Variants in ANKRD55 observed in about 807,000 individuals in gnomAD.
ANKRD55 encodes the protein ankyrin repeat domain 55, also known as ankyrin repeat domain-containing protein 55.
In ANKRD55, 41 loss-of-function variants were observed where a neutral mutation model predicts 60.6. That is an observed-to-expected ratio of 0.68 (90% CI 0.53 to 0.88). The LOEUF (loss-of-function observed/expected upper bound fraction) is 0.88, where lower values mean the gene tolerates loss of function less well. Ranked by LOEUF, ANKRD55 falls within the 40% of genes least tolerant of loss-of-function variation. ANKRD55 has a pLI of 0.00. For missense variants in ANKRD55, 732 were observed against 767.6 expected (o/e 0.95, Z 0.55); for synonymous variants, 264 against 290.3 (o/e 0.91, Z 0.92).
intron 2 of ANKRD55, among the ~76,000 whole-genome samples, chr5:56,229,282 G>A (rs968560271): frequency 2.0e-5 from 3 of 152,152 alleles, no homozygotes; most frequent in Non-Finnish European, 4.4e-5. Context: ...CTTCCTGCGT[G>A]TGTGGGCTTT....
intron 7 of ANKRD55, among the ~76,000 whole-genome samples, chr5:56,141,135 T>G (rs1757752777): frequency 6.7e-6 from 1 of 148,698 alleles, no homozygotes; most frequent in South Asian, 2.2e-4. Flanking sequence ...ACACAGTTTT[T>G]TTTTTTTTTT....
Position 56,141,134 on chromosome 5 carries a change from T to TG in ANKRD55, c.612+2666_612+2667insC, listed in dbSNP as rs1214259960. Among the ~76,000 whole-genome samples, 3 of 145,254 alleles carry TG rather than the reference T, an allele frequency of 2.1e-5. No individual in the cohort carries two copies. In the South Asian group the frequency reaches 6.6e-4, roughly 32 times the overall value. On this transcript the variant is annotated intron_variant, in intron 7 of 11. Transcript: ENST00000341048. ...GTGTACATGCATGCACACACAGTTT[T>TG]TTTTTTTTTTTTTTTTATATAGAGA...
chr5:56,193,120 C>A, intron 2 of ANKRD55: 3 of 681,696 alleles, frequency 4.4e-6, no homozygotes, highest in African/African-American at 1.8e-5. Flanking sequence ...CTAAAGAACA[C>A]ATTTATTTTA....
intron 2 of ANKRD55, chr5:56,193,085 A>C: frequency 1.4e-6 from 1 of 740,400 alleles, no homozygotes; most frequent in Non-Finnish European, 2.2e-6. Context: ...AGATAATTTG[A>C]GATGGCTTCT....
intron 2 of ANKRD55, among the ~76,000 whole-genome samples, chr5:56,231,994 T>G (rs2111905568): frequency 6.6e-6 from 1 of 152,286 alleles, no homozygotes; most frequent in Non-Finnish European, 1.5e-5. Flanking sequence ...CTTAGGATCT[T>G]GAAGAATATT....
intron 2 of ANKRD55, among the ~76,000 whole-genome samples, chr5:56,216,575 A>G (rs1759817258): frequency 6.6e-6 from 1 of 152,240 alleles, no homozygotes. Flanking sequence ...GAAGGAAATT[A>G]AAAGTGCTAC....
In ANKRD55 at chr5:56,123,120, G is replaced by A. The variant is rs144675813; in HGVS notation, c.797+3802C>T. On this transcript the variant is annotated intron_variant, in intron 8 of 11. Coordinates refer to ENST00000341048, the MANE Select transcript of ANKRD55 (RefSeq NM_024669.3). ...ACTATCCCTCTGGTAAGTCACTCGG[G>A]AAATGGGCAGTCCTGGGGCAGGAAA... 9.2e-5 allele frequency among the ~76,000 whole-genome samples: 14 copies of A among 152,118 alleles called. 1 individual carries two copies. The highest frequency in any genetic ancestry group is 3.4e-4 in the African/African-American group (14 of 41,420).
At chr5:56,116,441 G>A (rs1315254059) in intron 9 of ANKRD55, among the ~76,000 whole-genome samples, 174 bp downstream of exon 9, 1 of 152,072 alleles carries the variant, frequency 6.6e-6, no homozygotes, top group Non-Finnish European at 1.5e-5. Context: ...GTTAGATAAT[G>A]GCAAACGTTA....
chr5:56,170,428 G>A (rs1483306108), intron 5 of ANKRD55, among the ~76,000 whole-genome samples: 1 of 152,056 alleles, frequency 6.6e-6, no homozygotes, highest in Non-Finnish European at 1.5e-5. Flanking sequence ...ACTGATTAAT[G>A]GAATGAATGA....
intron 2 of ANKRD55, among the ~76,000 whole-genome samples, chr5:56,189,407 A>G (rs931297910): frequency 6.6e-6 from 1 of 152,020 alleles, no homozygotes; most frequent in African/African-American, 2.4e-5. Flanking sequence ...GTCCATTCAC[A>G]CTGTTGTGTA....
chr5:56,121,374 C>CTTTT (rs35793814), intron 8 of ANKRD55, among the ~76,000 whole-genome samples: 2 of 130,672 alleles, frequency 1.5e-5, no homozygotes, highest in African/African-American at 2.9e-5. Flanking sequence ...TGTTCCACCA[C>CTTTT]TTTTTTTTTT....
chr5:56,200,444 G>A (rs72749958), intron 2 of ANKRD55, among the ~76,000 whole-genome samples: 25,520 of 151,944 alleles, frequency 0.17, 4,070 homozygotes, highest in African/African-American at 0.42. Context: ...CTGATTTCTG[G>A]ATGTATCATA....
chr5:56,192,325 G>A (rs941791605), intron 2 of ANKRD55, among the ~76,000 whole-genome samples: 1 of 152,262 alleles, frequency 6.6e-6, no homozygotes, highest in African/African-American at 2.4e-5. Flanking sequence ...GAAATAGGAA[G>A]AAAGAAGCAT....
In ANKRD55 at chr5:56,124,647, A is replaced by AT. The variant is rs1380720351; in HGVS notation, c.797+2274_797+2275insA. ...CTCAGCCTCCGGAGTAGCTAGGATT[A>AT]CAGGCGTGCGCCACCACGCCCGGCT... On this transcript the variant is annotated intron_variant, in intron 8 of 11. Coordinates refer to ENST00000341048, the MANE Select transcript of ANKRD55 (RefSeq NM_024669.3). Among the ~76,000 whole-genome samples the AT allele has an allele frequency of 1.3e-5, 2 of 152,156 alleles. 1 individual carries two copies. Among genetic ancestry groups the AT allele is most frequent in the African/African-American group, 4.8e-5 (2 of 41,398 alleles).
chr5:56,140,054 T>G (rs1176953108), intron 7 of ANKRD55, among the ~76,000 whole-genome samples: 1 of 152,176 alleles, frequency 6.6e-6, no homozygotes, highest in African/African-American at 2.4e-5. Context: ...TTTGTTTATT[T>G]TGGTGAAATA....
intron 8 of ANKRD55, among the ~76,000 whole-genome samples, chr5:56,126,384 G>T (rs561901181): frequency 1.3e-5 from 2 of 152,256 alleles, no homozygotes; most frequent in Non-Finnish European, 2.9e-5. Context: ...TCTTCATTTA[G>T]TATCTAACTA....
intron 7 of ANKRD55, among the ~76,000 whole-genome samples, chr5:56,138,833 G>C (rs1757678433): frequency 6.6e-6 from 1 of 152,180 alleles, no homozygotes; most frequent in Non-Finnish European, 1.5e-5. Context: ...TTAGGGTAAG[G>C]GTGGAAAGAA....
At chr5:56,138,252 C>T (rs557794807) in intron 7 of ANKRD55, among the ~76,000 whole-genome samples, 35 of 151,842 alleles carry the variant, frequency 2.3e-4, no homozygotes, top group South Asian at 6.3e-4. Context: ...CTCAGCCTCC[C>T]GAGCAGCTGG....
chr5:56,149,895 G>A (rs1757999711), intron 6 of ANKRD55, among the ~76,000 whole-genome samples: 1 of 149,662 alleles, frequency 6.7e-6, no homozygotes, highest in African/African-American at 2.5e-5. Context: ...AGGCTGGAGT[G>A]CAGTGGCACC....
Sources: allele counts gnomAD v4.1 joint callset (sites outside exome capture counted in the v4.1 genomes callset), GRCh38; gene constraint gnomAD v4.1.1; transcripts MANE v1.5; gene names NCBI Gene and HGNC (gene_info 2026-07-23, HGNC 2026-07-21).